Variants in RBFOX1 observed in about 807,000 individuals in gnomAD.
RBFOX1 encodes the protein RNA binding protein fox-1 homolog 1.
Under a neutral mutation model 57.7 loss-of-function variants are expected in RBFOX1, and 8 were observed. The ratio of observed to expected loss-of-function variants is 0.14; its 90% confidence interval spans 0.08 to 0.25. The LOEUF is 0.25. Among genes scored for constraint, RBFOX1 ranks in the 10% least tolerant of loss-of-function variants. RBFOX1 has a pLI of 1.00. For missense variants in RBFOX1, 611 were observed against 548.5 expected, an observed-to-expected ratio of 1.11 and a Z score of -1.14; for synonymous variants, 326 against 222.4, an observed-to-expected ratio of 1.47 and a Z score of -4.15.
chr16:7,097,886 A>G (rs893624987), intron 4 of RBFOX1, among the ~76,000 whole-genome samples: 1 of 152,234 alleles, frequency 6.6e-6, no homozygotes, highest in African/African-American at 2.4e-5. Flanking sequence ...TGAATAAATC[A>G]TAGTGCCTCA....
chr16:5,920,946 G>A (rs2058807434), intron 4 of RBFOX1, among the ~76,000 whole-genome samples: 4 of 95,216 alleles, frequency 4.2e-5, no homozygotes, highest in Non-Finnish European at 2.4e-5. Context: ...TGCCGTGCAA[G>A]GCTACCTGAA....
At chr16:7,205,931 CAGG>C (rs1283209734) in intron 4 of RBFOX1, among the ~76,000 whole-genome samples, 4 of 152,232 alleles carry the variant, frequency 2.6e-5, no homozygotes, top group Non-Finnish European at 5.9e-5. Context: ...TGCTAGAATA[CAGG>C]AGGACAGCCT....
chr16:6,934,440 C>T (rs1036762734), intron 3 of RBFOX1, among the ~76,000 whole-genome samples: 3 of 152,128 alleles, frequency 2.0e-5, no homozygotes, highest in African/African-American at 7.2e-5. Flanking sequence ...TTTATTGCAG[C>T]ACTACTTAAA....
chr16:7,435,461 T>A (rs1567154483), intron 4 of RBFOX1, among the ~76,000 whole-genome samples: 1 of 152,196 alleles, frequency 6.6e-6, no homozygotes, highest in Non-Finnish European at 1.5e-5. Flanking sequence ...TCATTTTTCC[T>A]CTCTTTGCAT....
At chr16:6,029,953 G>T (rs1377664610) in intron 1 of RBFOX1, among the ~76,000 whole-genome samples, 3 of 152,094 alleles carry the variant, frequency 2.0e-5, no homozygotes, top group Non-Finnish European at 4.4e-5. Context: ...CTCATTTGTT[G>T]CCCAGGCTGG....
chr16:5,741,543 A>G (rs1176728366), intron 3 of RBFOX1, among the ~76,000 whole-genome samples: 1 of 152,244 alleles, frequency 6.6e-6, no homozygotes, highest in South Asian at 2.1e-4. Flanking sequence ...TCAAGTTGGT[A>G]TGATTTTTAA....
rs148378772 is a variant in RBFOX1 at position 5,416,204 on chromosome 16, T to C, written c.220-51012T>C. Among the ~76,000 whole-genome samples, 6 of 152,302 alleles carry C rather than the reference T, an allele frequency of 3.9e-5. No homozygotes were observed. The East Asian group carries it at 1.2e-3, about 29-fold the overall frequency. ...GCGACTCCTGGACACTATGGTCCCA[T>C]TTTACAGATGAGGACATTGAGACTT... On this transcript the variant is annotated intron_variant, in intron 1 of 2. Transcript: ENST00000585867.
intron 3 of RBFOX1, among the ~76,000 whole-genome samples, chr16:5,622,067 G>A (rs1050614239): frequency 6.6e-6 from 1 of 152,132 alleles, no homozygotes; most frequent in African/African-American, 2.4e-5. Context: ...CAGAAGCATT[G>A]TTCTCTTATT....
At chr16:6,884,768 C>G (rs932484245) in intron 3 of RBFOX1, among the ~76,000 whole-genome samples, 2 of 152,002 alleles carry the variant, frequency 1.3e-5, no homozygotes, top group Non-Finnish European at 2.9e-5. Flanking sequence ...TGTGATGGCA[C>G]ATACCTGCAG....
At chr16:7,597,126 A>G (rs1325997806) in intron 8 of RBFOX1, 1 of 325,710 alleles carries the variant, frequency 3.1e-6, no homozygotes, top group Non-Finnish European at 5.5e-6. Context: ...CTGTCCCTTT[A>G]TTAAACACTC....
chr16:6,251,559 C>G (rs547190205), intron 1 of RBFOX1, among the ~76,000 whole-genome samples: 3 of 152,024 alleles, frequency 2.0e-5, no homozygotes, highest in East Asian at 3.9e-4. Flanking sequence ...TACTGCTTTG[C>G]TAAAGCCTCC....
chr16:7,091,957 T>C (rs1339372073), intron 4 of RBFOX1, among the ~76,000 whole-genome samples: 6 of 152,234 alleles, frequency 3.9e-5, no homozygotes, highest in Admixed American at 3.3e-4. Context: ...CTGCCCATTT[T>C]GTTTGACATT....
intron 3 of RBFOX1, among the ~76,000 whole-genome samples, chr16:5,694,962 A>C (rs2050803423): frequency 1.3e-5 from 2 of 151,996 alleles, no homozygotes; most frequent in South Asian, 4.2e-4. Flanking sequence ...TGGAATTTAG[A>C]AAGGAGGTTG....
rs547292055 is a variant in RBFOX1, at chr16:7,143,337, G to C, written c.27+91239G>C. 3.4e-3 allele frequency among the ~76,000 whole-genome samples: 518 copies of C among 152,208 alleles called. 2 individuals carry two copies. The highest frequency in any genetic ancestry group is 6.1e-3 in the Non-Finnish European group (416 of 68,012). ...GCATTCCCGACCCAGCTCTCAGGGA[G>C]AGGACTGAGCCACTGTAGAAAAGTG... On this transcript the variant is annotated intron_variant, in intron 4 of 15. Coordinates refer to ENST00000550418, the MANE Select transcript of RBFOX1 (RefSeq NM_018723.4).
At chr16:7,313,583 T>C (rs1425445113) in intron 4 of RBFOX1, among the ~76,000 whole-genome samples, 13 of 151,142 alleles carry the variant, frequency 8.6e-5, no homozygotes, top group Admixed American at 8.6e-4. Flanking sequence ...AAGCCAGCCT[T>C]CTTCCACAAT....
chr16:7,100,363 G>C (rs956200448), intron 4 of RBFOX1, among the ~76,000 whole-genome samples: 1 of 151,904 alleles, frequency 6.6e-6, no homozygotes, highest in Non-Finnish European at 1.5e-5. Flanking sequence ...AGTAGAATCT[G>C]ACTCCCCCCA....
chr16:7,033,472 A>G (rs2043351805), intron 3 of RBFOX1, among the ~76,000 whole-genome samples: 1 of 152,144 alleles, frequency 6.6e-6, no homozygotes, highest in Admixed American at 6.5e-5. Flanking sequence ...GTGAGCCAAG[A>G]TTGCGCCACT....
intron 2 of RBFOX1, among the ~76,000 whole-genome samples, chr16:6,384,198 C>T (rs933875350): frequency 2.0e-5 from 3 of 151,658 alleles, no homozygotes; most frequent in East Asian, 1.9e-4. Flanking sequence ...CTGAAATTGC[C>T]TTTTTATGGA....
intron 2 of RBFOX1, among the ~76,000 whole-genome samples, chr16:6,623,192 G>T (rs1464368852): frequency 6.6e-6 from 1 of 152,140 alleles, no homozygotes; most frequent in Non-Finnish European, 1.5e-5. Flanking sequence ...ATCAAAACAT[G>T]CATGCAAATG....
Sources: allele counts gnomAD v4.1 joint callset (sites outside exome capture counted in the v4.1 genomes callset), GRCh38; gene constraint gnomAD v4.1.1; transcripts MANE v1.5; gene names NCBI Gene and HGNC (gene_info 2026-07-23, HGNC 2026-07-21).